HSP90AA1: variants seen among roughly 807,000 people sequenced by gnomAD.
HSP90AA1 encodes the protein heat shock protein 90 alpha family class A member 1, also known as heat shock protein HSP 90-alpha.
Under a neutral mutation model 73.3 loss-of-function variants are expected in HSP90AA1, and 18 were observed. That is an observed-to-expected ratio of 0.25 (90% CI 0.17 to 0.36). HSP90AA1 has a LOEUF of 0.36. Among genes scored for constraint, HSP90AA1 ranks in the 10% least tolerant of loss-of-function variants. The pLI is 1.00. For synonymous variants in HSP90AA1, 477 were observed against 296.9 expected (o/e 1.61, Z -6.24); for missense variants, 704 against 874.2 (o/e 0.81, Z 2.45).
At chr14:102,129,737 ATG>A (rs2049884750) in intron 1 of HSP90AA1, among the ~76,000 whole-genome samples, 1 of 151,516 alleles carries the variant, frequency 6.6e-6, no homozygotes. Flanking sequence ...ACCCCTGACC[ATG>A]TGATCTGCCT....
intron 1 of HSP90AA1, among the ~76,000 whole-genome samples, chr14:102,134,911 G>C (rs557009863): frequency 2.0e-5 from 3 of 152,184 alleles, no homozygotes; most frequent in Non-Finnish European, 4.4e-5. Flanking sequence ...TGGTAGAGCC[G>C]AGTGGCCTGT....
chr14:102,123,204 G>A (rs1169138543), intron 1 of HSP90AA1, among the ~76,000 whole-genome samples: 3 of 151,810 alleles, frequency 2.0e-5, no homozygotes, highest in Non-Finnish European at 4.4e-5. Context: ...AGACCAGCTT[G>A]ACCAAGATGG....
Position 102,139,255 on chromosome 14 carries a change from CA to C in HSP90AA1, c.149del (p.Leu50ArgfsTer21), listed in dbSNP as rs2050159956. 1 of 1,614,018 alleles carries C rather than the reference CA, an allele frequency of 6.2e-7. No individual in the cohort carries two copies. The highest frequency in any genetic ancestry group is 1.7e-5 in the Admixed American group (1 of 60,008). ...AATCTTGAGTCCCTTGGTACCTTCT[CA>C]GAAACGGCGGCGAGGAGGCTTCAGA... On this transcript the variant is annotated frameshift_variant, in exon 1 of 12. Coordinates refer to the HSP90AA1 transcript ENST00000334701. LOFTEE classifies it high-confidence loss of function.
rs562683400 is a variant in HSP90AA1, at chr14:102,082,766, C to T, written c.1755+268G>A. The stretch of plus-strand genomic sequence containing the variant: ...CTCCCAAGTGGCTAGGATTACAGGC[C>T]GTGCCACCACGCCTGGTTTATTTTT... On this transcript the variant is annotated intron_variant, in intron 9 of 10. Coordinates refer to ENST00000216281, the MANE Select transcript of HSP90AA1 (RefSeq NM_005348.4). 5.7e-4 allele frequency: 285 copies of T among 502,396 alleles called. 3 individuals carry two copies. Among genetic ancestry groups the T allele is most frequent in the Middle Eastern group, 4.0e-3 (7 of 1,752 alleles). The allele number at this position is 502,396 out of a possible 1,614,324, so 31.1% of individuals were successfully genotyped here.
At chr14:102,123,184 C>T (rs889823731) in intron 1 of HSP90AA1, among the ~76,000 whole-genome samples, 1 of 151,768 alleles carries the variant, frequency 6.6e-6, no homozygotes, top group Non-Finnish European at 1.5e-5. Context: ...CACCTGAGGT[C>T]AGGAGTTCGA....
rs56030286 is a variant in HSP90AA1 at position 102,086,254 on chromosome 14, T to C, written c.125A>G (p.Glu42Gly). 6.2e-7 allele frequency: 1 copy of C among 1,614,220 alleles called. No individual in the cohort carries two copies. Among genetic ancestry groups the C allele is most frequent in the Non-Finnish European group, 8.5e-7 (1 of 1,180,034 alleles). ...LIINTFYSNKEIFLRELISNS... is the reference protein window; with the variant it reads ...LIINTFYSNKGIFLRELISNS... ...TGAAATGAGCTCTCTCAGAAAGATC[T>C]CTTTGTTCGAGTAGAAAGTATTGAT... is the stretch of plus-strand genomic sequence containing the variant. Residue 42 changes from glutamate (E) to glycine (G), a missense_variant, in exon 2 of 11, where the codon GAG becomes GGG. Coordinates refer to ENST00000216281, the MANE Select transcript of HSP90AA1 (RefSeq NM_005348.4).
intron 1 of HSP90AA1, among the ~76,000 whole-genome samples, chr14:102,126,813 C>T (rs1182179915): frequency 6.6e-6 from 1 of 152,214 alleles, no homozygotes; most frequent in African/African-American, 2.4e-5. Context: ...CAGGCGTGAG[C>T]CACTGCGCCC....
chr14:102,101,013 A>G (rs41285490), intron 2 of HSP90AA1, among the ~76,000 whole-genome samples: 2,113 of 152,260 alleles, frequency 0.014, 23 homozygotes, highest in South Asian at 0.022. Context: ...TTCTTGTTCA[A>G]TAAATTACCA....
rs1039378197 is a variant in HSP90AA1 at position 102,081,337 on chromosome 14, G to A, written c.*375C>T. 23 of 332,854 alleles carry A rather than the reference G, an allele frequency of 6.9e-5. No individual in the cohort carries two copies. Among genetic ancestry groups the A allele is most frequent in the African/African-American group, 2.5e-4 (12 of 48,180 alleles). The allele number at this position is 332,854 out of a possible 1,614,324, so 20.6% of individuals were successfully genotyped here. ...AAAAGTAGATCCTACAAGATGTAAC[G>A]AATACTTTTCTAAACATCAAGATAC... is the stretch of plus-strand genomic sequence containing the variant. On this transcript the variant is annotated 3_prime_UTR_variant, in exon 11 of 11. Transcript: ENST00000216281.
chr14:102,086,292 C>T lies in HSP90AA1; in HGVS notation c.87G>A (p.Leu29=). 1 of 1,614,136 alleles carries T rather than the reference C, an allele frequency of 6.2e-7. No individual in the cohort carries two copies. Among genetic ancestry groups the T allele is most frequent in the Non-Finnish European group, 8.5e-7 (1 of 1,180,024 alleles). Residue 29 remains leucine (L), a synonymous_variant, in exon 2 of 11, where the codon TTG becomes TTA. Transcript: ENST00000216281. ...AGAAAGTATTGATGATCAATGACAT[C>T]AACTGGGCAATTTCTGCCTGAAAGG... is the stretch of plus-strand genomic sequence containing the variant. ...TFAFQAEIAQ[L]MSLIINTFYS... is the part of the protein sequence containing the mutation.
chr14:102,134,020 G>T (rs1015410832), intron 1 of HSP90AA1, among the ~76,000 whole-genome samples: 6 of 151,714 alleles, frequency 4.0e-5, no homozygotes, highest in Non-Finnish European at 8.8e-5. Flanking sequence ...GCATGGTGGC[G>T]GGCGCCTGTA....
rs71116884 is a variant in HSP90AA1 at position 102,129,133 on chromosome 14, A to ATT, written c.155+10115_155+10116dup. Among the ~76,000 whole-genome samples, 120 of 94,392 alleles carry ATT rather than the reference A, an allele frequency of 1.3e-3. 5 individuals carry two copies. Among genetic ancestry groups the ATT allele is most frequent in the African/African-American group, 3.6e-3 (97 of 27,292 alleles). 61.9% of individuals were successfully genotyped at this position (94,392 alleles called of 152,430 possible). On this transcript the variant is annotated intron_variant, in intron 1 of 11. Coordinates refer to the HSP90AA1 transcript ENST00000334701. ...TATAGATAGAGTGGCTCTAGTTTTG[A>ATT]TTTTTTTTTTTTTTTTTTTTTGAGA...
chr14:102,084,370 CAG>C (rs767690255), intron 6 of HSP90AA1, 27 bp downstream of exon 6: 2 of 1,597,440 alleles, frequency 1.3e-6, no homozygotes, highest in East Asian at 2.2e-5. Flanking sequence ...TAATCAGTGA[CAG>C]TGATTATTTT....
At chr14:102,110,401 GTTTT>G (rs1001947796) in intron 1 of HSP90AA1, among the ~76,000 whole-genome samples, 4 of 97,244 alleles carry the variant, frequency 4.1e-5, no homozygotes, top group Non-Finnish European at 9.1e-5. Flanking sequence ...AAGGCATTCA[GTTTT>G]GTTTGTTTGT....
At chr14:102,087,910 G>T (rs1316143614), upstream of HSP90AA1, among the ~76,000 whole-genome samples, 3 of 148,442 alleles carry the variant, frequency 2.0e-5, no homozygotes, top group Admixed American at 6.7e-5. Flanking sequence ...TAACACTTTG[G>T]TGATTAACTT....
rs371991754 is a variant in HSP90AA1 at position 102,133,242 on chromosome 14, T to C, written c.155+6008A>G. 5.3e-5 allele frequency among the ~76,000 whole-genome samples: 8 copies of C among 152,170 alleles called. No homozygotes were observed. In the East Asian group the frequency reaches 1.4e-3, roughly 26 times the overall value. ...TTGCAGTGAGCTGAGATCATGCCATTGCACTCCAGCCTGGGCAACAAGAGC... is the reference window on the plus strand; with the variant it reads ...TTGCAGTGAGCTGAGATCATGCCATCGCACTCCAGCCTGGGCAACAAGAGC... On this transcript the variant is annotated intron_variant, in intron 1 of 11. Coordinates refer to the HSP90AA1 transcript ENST00000334701.
chr14:102,110,787 T>C (rs2049632488), intron 1 of HSP90AA1, among the ~76,000 whole-genome samples: 2 of 152,262 alleles, frequency 1.3e-5, no homozygotes, highest in African/African-American at 4.8e-5. Context: ...TTCACCGTGT[T>C]AGCCAGGATG....
intron 3 of HSP90AA1, 35 bp from the exon 4 acceptor site, chr14:102,085,466 T>TGGCGTTGAGCAC (rs756749873): frequency 1.1e-6 from 1 of 921,818 alleles, no homozygotes; most frequent in Admixed American, 2.8e-5. Flanking sequence ...ACTTAATACA[T>TGGCGTTGAGCAC]TCAATTTAGT....
rs780047640 is a variant in HSP90AA1 at position 102,083,811 on chromosome 14, C to T, written c.1320G>A (p.Gln440=). Residue 440 remains glutamine, a synonymous_variant, in exon 7 of 11, where the codon CAG becomes CAA. Transcript: ENST00000216281. The part of the protein sequence containing the change: ...DKENYKKFYE[Q]FSKNIKLGIH... ...CACCAACCTTTATGTTTTTAGAGAA[C>T]TGCTCATAGAATTTCTTGTAGTTCT... The T allele has an allele frequency of 6.2e-7, 1 of 1,612,248 alleles. No homozygotes were observed. The highest frequency in any genetic ancestry group is 8.5e-7 in the Non-Finnish European group (1 of 1,179,442).
Sources: allele counts gnomAD v4.1 joint callset (sites outside exome capture counted in the v4.1 genomes callset), GRCh38; gene constraint gnomAD v4.1.1; transcripts MANE v1.5; gene names NCBI Gene and HGNC (gene_info 2026-07-23, HGNC 2026-07-21).